Variants in CFAP43 observed in about 807,000 individuals in gnomAD.
The protein encoded by CFAP43 is cilia and flagella associated protein 43, also known as cilia- and flagella-associated protein 43.
A neutral mutation model predicts 218.9 loss-of-function variants in CFAP43; 155 were observed. The ratio of observed to expected loss-of-function variants is 0.71; its 90% CI spans 0.62 to 0.81. The LOEUF is 0.81. CFAP43 is among the 30% of genes least tolerant of loss of function. The pLI is 0.00. For missense variants in CFAP43, 1,778 were observed against 1,954.3 expected (o/e 0.91, Z 1.70); for synonymous variants, 645 against 681.3 (o/e 0.95, Z 0.83).
chr10:104,207,776 T>C lies in CFAP43; in HGVS notation c.784A>G (p.Thr262Ala). ...CCAATGTACAAGTCACTTGTTGGAG[T>C]CCAGCAATGCATAGTCGGGTGAAGC... ...PLLHPTMHCW[T>A]PTSDLYIGCE... is the part of the protein sequence containing the mutation. Residue 262 changes from threonine (T) to alanine (A), a missense_variant, in exon 6 of 38, where the codon ACT becomes GCT. By Grantham distance (58) the Thr-to-Ala change is moderately conservative. This residue lies in a region of CFAP43 where 1,553 missense variants were observed against 1,685.2 expected (regional missense o/e 0.92). Transcript: ENST00000357060. 6.2e-7 allele frequency: 1 copy of C among 1,614,108 alleles called. No homozygotes were observed. The highest frequency in any genetic ancestry group is 2.2e-5 in the East Asian group (1 of 44,874).
chr10:104,164,374 C>G (rs2089039955), intron 23 of CFAP43, 74 bp from the exon 24 acceptor site: 1 of 1,173,338 alleles, frequency 8.5e-7, no homozygotes, highest in African/African-American at 1.6e-5. Context: ...CACAATTATA[C>G]TTTCCCTCTA....
At chr10:104,169,008 T>C (rs931864538) in intron 20 of CFAP43, among the ~76,000 whole-genome samples, 160 bp from the exon 21 acceptor site, 1 of 152,220 alleles carries the variant, frequency 6.6e-6, no homozygotes, top group Admixed American at 6.5e-5. Flanking sequence ...AGATGCACTT[T>C]CGGGAAACAC....
At chr10:104,195,270 C>G (rs1371199214) in intron 10 of CFAP43, among the ~76,000 whole-genome samples, 3 of 152,126 alleles carry the variant, frequency 2.0e-5, no homozygotes, top group Non-Finnish European at 2.9e-5. Context: ...GGTAATGGTA[C>G]CTGTATCCCT....
intron 27 of CFAP43, among the ~76,000 whole-genome samples, chr10:104,159,324 A>G (rs1006219329): frequency 6.6e-6 from 1 of 152,202 alleles, no homozygotes; most frequent in Admixed American, 6.5e-5. Flanking sequence ...AAATAAATTT[A>G]TACTGACCCA....
intron 27 of CFAP43, 22 bp downstream of exon 27, chr10:104,161,015 A>G (rs756264702): frequency 6.3e-7 from 1 of 1,584,780 alleles, no homozygotes; most frequent in South Asian, 1.1e-5. Context: ...GGTAGGTTAT[A>G]TTAATTATTT....
chr10:104,136,258 CAAA>C (rs368792618), intron 34 of CFAP43, among the ~76,000 whole-genome samples: 9 of 86,012 alleles, frequency 1.0e-4, no homozygotes, highest in South Asian at 4.8e-4. Context: ...TTCTCCATTT[CAAA>C]AAAAAAAAAA....
chr10:104,228,300 C>T (rs1323448377), intron 2 of CFAP43, among the ~76,000 whole-genome samples: 1 of 151,944 alleles, frequency 6.6e-6, no homozygotes, highest in African/African-American at 2.4e-5. Context: ...TCTTCCTCCT[C>T]CTCCTTCTCT....
intron 33 of CFAP43, among the ~76,000 whole-genome samples, chr10:104,141,928 T>A (rs2087726102): frequency 6.6e-6 from 1 of 152,192 alleles, no homozygotes; most frequent in Non-Finnish European, 1.5e-5. Context: ...ACATGGAAAG[T>A]TCTTAGACAT....
chr10:104,221,327 GC>G (rs1416434572), intron 3 of CFAP43, among the ~76,000 whole-genome samples: 2 of 152,164 alleles, frequency 1.3e-5, no homozygotes, highest in Non-Finnish European at 2.9e-5. Flanking sequence ...TTTGTGTGCT[GC>G]CTCCCCCCAC....
chr10:104,149,048 T>C (rs2088119597), intron 28 of CFAP43, among the ~76,000 whole-genome samples: 1 of 152,198 alleles, frequency 6.6e-6, no homozygotes, highest in Non-Finnish European at 1.5e-5. Flanking sequence ...TCATTTCTTT[T>C]CCTCATAATT....
At chr10:104,204,243 G>C (rs530376455) in intron 7 of CFAP43, among the ~76,000 whole-genome samples, 4 of 152,206 alleles carry the variant, frequency 2.6e-5, no homozygotes, top group Non-Finnish European at 5.9e-5. Context: ...AGGGTAGGCA[G>C]TGTGCCTTTT....
intron 14 of CFAP43, 81 bp downstream of exon 14, chr10:104,187,239 C>A: frequency 8.3e-7 from 1 of 1,208,884 alleles, no homozygotes; most frequent in Non-Finnish European, 1.1e-6. Context: ...TTAAAGTGGT[C>A]AAGAGGATCA....
At chr10:104,137,784 G>C (rs1423149798) in intron 34 of CFAP43, among the ~76,000 whole-genome samples, 1 of 152,188 alleles carries the variant, frequency 6.6e-6, no homozygotes, top group Non-Finnish European at 1.5e-5. Flanking sequence ...CCAGATGACA[G>C]AGCCAGACCC....
At chr10:104,132,571 C>T (rs2134725347) in intron 35 of CFAP43, 1 of 863,384 alleles carries the variant, frequency 1.2e-6, no homozygotes, top group Non-Finnish European at 1.4e-6. Flanking sequence ...GCGGATATCA[C>T]ACCATTGCAC....
At chr10:104,174,464 G>A (rs943542512) in intron 19 of CFAP43, among the ~76,000 whole-genome samples, 6 of 152,038 alleles carry the variant, frequency 3.9e-5, no homozygotes, top group Non-Finnish European at 5.9e-5. Context: ...AGAAAGACCC[G>A]CCCCCATGAT....
chr10:104,194,037 G>A (rs1274526361), intron 10 of CFAP43, 23 bp from the exon 11 acceptor site: 1 of 1,609,882 alleles, frequency 6.2e-7, no homozygotes, highest in African/African-American at 1.3e-5. Context: ...AACCCCAGAT[G>A]CGTATCTCTA....
chr10:104,145,507 T>C lies in CFAP43; in HGVS notation c.3913A>G (p.Ile1305Val), dbSNP rs1202788403. The C allele has an allele frequency of 1.9e-6, 3 of 1,606,140 alleles. No homozygotes were observed. Among genetic ancestry groups the C allele is most frequent in the Non-Finnish European group, 2.6e-6 (3 of 1,174,196 alleles). The change falls in exon 31 of 38, where the codon ATA becomes GTA. Residue 1305 changes from isoleucine to valine, a missense_variant. Physicochemically the swap from Ile to Val is conservative, Grantham distance 29. Transcript: ENST00000357060. The stretch of plus-strand genomic sequence containing the variant: ...CGGCGTTTAAAAAGTTTGTAGAGTA[T>C]ATCCACTTGATGACCAGGAATTTCA... The part of the protein sequence containing the change: ...FSEIPGHQVD[I>V]LYKLFKRRPR...
chr10:104,179,171 G>T, intron 18 of CFAP43, 65 bp from the exon 19 acceptor site: 1 of 1,377,956 alleles, frequency 7.3e-7, no homozygotes, highest in Non-Finnish European at 1.0e-6. Flanking sequence ...GAGAGAGAGA[G>T]AGAGAGAGAG....
At chr10:104,197,529 G>GA (rs1421342919) in intron 9 of CFAP43, among the ~76,000 whole-genome samples, 3 of 152,014 alleles carry the variant, frequency 2.0e-5, no homozygotes, top group Non-Finnish European at 4.4e-5. Context: ...GCATTACCTG[G>GA]AAAAAAAGAT....
Sources: allele counts gnomAD v4.1 joint callset (sites outside exome capture counted in the v4.1 genomes callset), GRCh38; gene constraint gnomAD v4.1.1; regional missense constraint gnomAD v4.1.1; transcripts MANE v1.5; gene names NCBI Gene and HGNC (gene_info 2026-07-23, HGNC 2026-07-21).